Variants in INPP4B observed in about 807,000 individuals in gnomAD.
INPP4B encodes inositol polyphosphate 4-phosphatase type II.
Under a neutral mutation model 122.5 loss-of-function variants are expected in INPP4B, and 55 were observed. The observed-to-expected ratio is 0.45, with a 90% confidence interval of 0.36 to 0.56. The LOEUF is 0.56. Among genes scored for constraint, INPP4B ranks in the 20% least tolerant of loss-of-function variants. The pLI is 0.00. For synonymous variants in INPP4B, 403 were observed against 388.7 expected (o/e 1.04, Z -0.43); for missense variants, 1,000 against 1,097.7 (o/e 0.91, Z 1.26).
At chr4:142,216,372 CT>C (rs746214628) in intron 12 of INPP4B, among the ~76,000 whole-genome samples, 8 of 152,128 alleles carry the variant, frequency 5.3e-5, no homozygotes, top group Non-Finnish European at 1.2e-4. Flanking sequence ...ACATTAAACA[CT>C]TTTTGGGACT....
intron 2 of INPP4B, among the ~76,000 whole-genome samples, chr4:142,638,561 TGAGATGG>T (rs1749674468): frequency 6.6e-6 from 1 of 150,582 alleles, no homozygotes; most frequent in African/African-American, 2.4e-5. Flanking sequence ...TTTTTTTTTT[TGAGATGG>T]AGTCTCACTC....
intron 25 of INPP4B, chr4:142,030,367 T>A (rs933965030): frequency 6.5e-5 from 89 of 1,377,770 alleles, no homozygotes; most frequent in African/African-American, 8.7e-5. Context: ...GTAAAAAAAA[T>A]TCAGCCTTAA....
chr4:142,187,867 A>T (rs1387965626), intron 15 of INPP4B, among the ~76,000 whole-genome samples: 2 of 152,090 alleles, frequency 1.3e-5, no homozygotes, highest in African/African-American at 4.8e-5. Flanking sequence ...AAGTCCTGGG[A>T]TTACAGGCAT....
intron 2 of INPP4B, among the ~76,000 whole-genome samples, chr4:142,466,499 T>C (rs1257406883): frequency 6.6e-6 from 1 of 152,138 alleles, no homozygotes; most frequent in Non-Finnish European, 1.5e-5. Context: ...GGCAAATAAA[T>C]GACTTAAAGT....
chr4:142,552,334 G>C (rs567345744), intron 2 of INPP4B, among the ~76,000 whole-genome samples: 36 of 152,166 alleles, frequency 2.4e-4, no homozygotes, highest in African/African-American at 8.2e-4. Flanking sequence ...CAATGATGCT[G>C]AGGCTGCTAA....
intron 1 of INPP4B, among the ~76,000 whole-genome samples, chr4:142,752,265 G>A (rs1271754591): frequency 2.0e-5 from 3 of 152,022 alleles, no homozygotes; most frequent in African/African-American, 4.8e-5. Flanking sequence ...GAGGCCAAAG[G>A]TGCCTCACAG....
chr4:142,353,084 A>T (rs1484928838), intron 7 of INPP4B, among the ~76,000 whole-genome samples: 1 of 152,134 alleles, frequency 6.6e-6, no homozygotes, highest in East Asian at 1.9e-4. Flanking sequence ...ATTAAAAGGT[A>T]AAAAGCCACT....
chr4:142,184,331 T>C (rs1005162888), intron 15 of INPP4B, among the ~76,000 whole-genome samples: 1 of 152,166 alleles, frequency 6.6e-6, no homozygotes, highest in East Asian at 1.9e-4. Context: ...TAAAAGTATA[T>C]TTTCCCTAGC....
intron 9 of INPP4B, among the ~76,000 whole-genome samples, chr4:142,276,103 C>A (rs748641448): frequency 1.3e-5 from 2 of 151,788 alleles, no homozygotes; most frequent in South Asian, 4.1e-4. Context: ...CCTACCAATT[C>A]TTCCTCCATA....
chr4:142,673,157 C>T (rs1166578984), intron 2 of INPP4B, among the ~76,000 whole-genome samples: 1 of 152,124 alleles, frequency 6.6e-6, no homozygotes, highest in African/African-American at 2.4e-5. Context: ...CTTAAAATCA[C>T]ACAGTGTGAA....
At chr4:142,162,253 A>G (rs1423650706) in intron 16 of INPP4B, among the ~76,000 whole-genome samples, 1 of 151,472 alleles carries the variant, frequency 6.6e-6, no homozygotes, top group Non-Finnish European at 1.5e-5. Flanking sequence ...TTTATACTAG[A>G]TAGGCAAAAA....
intron 2 of INPP4B, among the ~76,000 whole-genome samples, chr4:142,716,622 A>G (rs900211302): frequency 2.0e-5 from 3 of 152,226 alleles, no homozygotes; most frequent in Admixed American, 6.5e-5. Context: ...CACGTGCCCA[A>G]TCCTTGCAGA....
intron 2 of INPP4B, among the ~76,000 whole-genome samples, chr4:142,524,024 A>G (rs1395354293): frequency 1.3e-5 from 2 of 150,040 alleles, no homozygotes; most frequent in Non-Finnish European, 3.0e-5. Context: ...TCCATGGTGT[A>G]TATGTGCCAC....
chr4:142,756,198 T>C (rs1770493747), intron 1 of INPP4B, among the ~76,000 whole-genome samples: 1 of 152,082 alleles, frequency 6.6e-6, no homozygotes, highest in African/African-American at 2.4e-5. Context: ...TTGTCATGTC[T>C]ACATGTTATA....
intron 11 of INPP4B, among the ~76,000 whole-genome samples, chr4:142,240,796 A>G (rs1196645098): frequency 6.6e-6 from 1 of 152,140 alleles, no homozygotes; most frequent in Non-Finnish European, 1.5e-5. Context: ...TTATTTTTTA[A>G]ATAAAGAAAC....
intron 11 of INPP4B, among the ~76,000 whole-genome samples, chr4:142,259,025 T>C (rs548872875): frequency 1.2e-4 from 18 of 151,974 alleles, no homozygotes; most frequent in African/African-American, 4.1e-4. Context: ...TATGCAGCCA[T>C]AAAAAATGAT....
intron 25 of INPP4B, among the ~76,000 whole-genome samples, chr4:142,070,406 A>G (rs1766486898): frequency 6.6e-6 from 1 of 152,200 alleles, no homozygotes; most frequent in Admixed American, 6.5e-5. Flanking sequence ...AACTGGAAGC[A>G]TTCCCTTTGA....
chr4:142,544,130 G>GTGTGTCTGTGT (rs55638202), intron 2 of INPP4B, among the ~76,000 whole-genome samples: 1 of 133,128 alleles, frequency 7.5e-6, no homozygotes, highest in Non-Finnish European at 1.6e-5. Context: ...GTGTGTGTGT[G>GTGTGTCTGTGT]GTGTGTGTGT....
intron 2 of INPP4B, among the ~76,000 whole-genome samples, chr4:142,626,711 A>C (rs1031170529): frequency 1.3e-5 from 2 of 151,980 alleles, no homozygotes; most frequent in Non-Finnish European, 2.9e-5. Flanking sequence ...TGAGTTTGTA[A>C]GAATTTGCTA....
Sources: allele counts gnomAD v4.1 joint callset (sites outside exome capture counted in the v4.1 genomes callset), GRCh38; gene constraint gnomAD v4.1.1; transcripts MANE v1.5; gene names NCBI Gene and HGNC (gene_info 2026-07-23, HGNC 2026-07-21).